Variants in FHIT observed in about 807,000 individuals in gnomAD.
FHIT encodes fragile histidine triad diadenosine triphosphatase.
Under a neutral mutation model 17.9 loss-of-function variants are expected in FHIT, and 19 were observed. The observed-to-expected ratio is 1.06, with a 90% CI of 0.74 to 1.56. The LOEUF (loss-of-function observed/expected upper bound fraction) is 1.56. FHIT is among the 40% of genes most tolerant of loss of function. The pLI is 0.00. For missense variants in FHIT, 248 were observed against 189.2 expected, an observed-to-expected ratio of 1.31 and a Z score of -1.82; for synonymous variants, 81 against 69.7, an observed-to-expected ratio of 1.16 and a Z score of -0.81.
At chr3:60,129,922 CTG>C (rs1384857919) in intron 5 of FHIT, among the ~76,000 whole-genome samples, 2 of 152,260 alleles carry the variant, frequency 1.3e-5, no homozygotes, top group Admixed American at 1.3e-4. Context: ...CCTTTCCACA[CTG>C]TGTCTGTTTT....
intron 5 of FHIT, among the ~76,000 whole-genome samples, chr3:60,304,895 A>G (rs1708603833): frequency 6.6e-6 from 1 of 152,146 alleles, no homozygotes; most frequent in South Asian, 2.1e-4. Context: ...TCTGAATCTA[A>G]TCTACTATAA....
At chr3:59,822,764 G>A (rs997494421) in intron 8 of FHIT, among the ~76,000 whole-genome samples, 1 of 152,122 alleles carries the variant, frequency 6.6e-6, no homozygotes, top group Non-Finnish European at 1.5e-5. Flanking sequence ...TATTTAGTCT[G>A]CTGACTGTTC....
At chr3:59,754,131 C>CTCAACATTGATACAGAAGGCAA (rs1701073865) in intron 8 of FHIT, among the ~76,000 whole-genome samples, 1 of 152,112 alleles carries the variant, frequency 6.6e-6, no homozygotes, top group Non-Finnish European at 1.5e-5. Flanking sequence ...TTTATTGCAG[C>CTCAACATTGATACAGAAGGCAA]TCAACATTGA....
chr3:61,163,499 G>C (rs2037754305), intron 2 of FHIT, among the ~76,000 whole-genome samples: 1 of 152,180 alleles, frequency 6.6e-6, no homozygotes, highest in Non-Finnish European at 1.5e-5. Flanking sequence ...TGACAAAACA[G>C]TGGAAGCAGG....
At chr3:60,834,247 C>G (rs1474484967) in intron 3 of FHIT, among the ~76,000 whole-genome samples, 4 of 152,216 alleles carry the variant, frequency 2.6e-5, no homozygotes, top group Non-Finnish European at 5.9e-5. Flanking sequence ...CACAATTTCT[C>G]TGCATCCTCA....
chr3:59,823,453 A>T (rs993077983), intron 8 of FHIT, among the ~76,000 whole-genome samples: 4 of 152,180 alleles, frequency 2.6e-5, no homozygotes, highest in Non-Finnish European at 5.9e-5. Flanking sequence ...TCCTTAAGAA[A>T]ATACTTGCTA....
chr3:60,632,263 C>T (rs548772466), intron 4 of FHIT, among the ~76,000 whole-genome samples: 2 of 152,214 alleles, frequency 1.3e-5, no homozygotes, highest in South Asian at 4.1e-4. Context: ...TCTCTGATTT[C>T]TGCCAGGAGT....
intron 7 of FHIT, among the ~76,000 whole-genome samples, chr3:59,955,689 C>T (rs1241805518): frequency 1.3e-5 from 2 of 152,220 alleles, no homozygotes; most frequent in Non-Finnish European, 1.5e-5. Context: ...GGTATTGATA[C>T]TCAACCATGA....
intron 5 of FHIT, among the ~76,000 whole-genome samples, chr3:60,347,040 G>C (rs1407555953): frequency 6.8e-6 from 1 of 147,944 alleles, no homozygotes; most frequent in African/African-American, 2.5e-5. Context: ...AATAGATGGA[G>C]TTGCAAATAT....
chr3:60,684,811 GA>G (rs1168152052), intron 4 of FHIT, among the ~76,000 whole-genome samples: 1 of 152,018 alleles, frequency 6.6e-6, no homozygotes, highest in African/African-American at 2.4e-5. Flanking sequence ...AGAGCCTGAA[GA>G]ATGACAGAAG....
At chr3:60,328,474 G>A (rs1709808817) in intron 5 of FHIT, among the ~76,000 whole-genome samples, 1 of 152,070 alleles carries the variant, frequency 6.6e-6, no homozygotes, top group African/African-American at 2.4e-5. Flanking sequence ...GTGTGCTCGG[G>A]AACTGCCCTT....
chr3:59,969,776 C>G (rs1458288388), intron 7 of FHIT, among the ~76,000 whole-genome samples: 1 of 152,050 alleles, frequency 6.6e-6, no homozygotes, highest in Non-Finnish European at 1.5e-5. Flanking sequence ...TTCCAGCAGC[C>G]CCTCAAAAGC....
In FHIT at chr3:59,988,558, G is replaced by A. The variant is rs191828242; in HGVS notation, c.279+22813C>T. Among the ~76,000 whole-genome samples, 13 of 152,066 alleles carry A rather than the reference G, an allele frequency of 8.5e-5. No homozygotes were observed. In the East Asian group the frequency reaches 2.5e-3, roughly 30 times the overall value. ...ATTTATTCACTCAGGTATTTTCTGA[G>A]TTCTTTCTGTGTATCTGGCGCTCCT... On this transcript the variant is annotated intron_variant, in intron 7 of 9. Coordinates refer to ENST00000492590, the MANE Select transcript of FHIT (RefSeq NM_002012.4).
At chr3:60,121,713 C>CAAAA (rs1559651189) in intron 5 of FHIT, among the ~76,000 whole-genome samples, 5,019 of 90,890 alleles carry the variant, frequency 0.055, 110 homozygotes, top group Non-Finnish European at 0.068. Context: ...AAAACAAACA[C>CAAAA]ACACACACAC....
chr3:61,172,924 T>G (rs1379952663), intron 2 of FHIT, among the ~76,000 whole-genome samples: 1 of 152,060 alleles, frequency 6.6e-6, no homozygotes, highest in Non-Finnish European at 1.5e-5. Flanking sequence ...GGCAGGCAGG[T>G]ATCCTAAACG....
chr3:60,185,809 T>C (rs1437151994), intron 5 of FHIT, among the ~76,000 whole-genome samples: 1 of 152,158 alleles, frequency 6.6e-6, no homozygotes, highest in Non-Finnish European at 1.5e-5. Context: ...TATTTGGTAT[T>C]TGCTCTACAT....
chr3:60,354,235 A>C (rs1699548576), intron 5 of FHIT, among the ~76,000 whole-genome samples: 1 of 152,194 alleles, frequency 6.6e-6, no homozygotes, highest in Non-Finnish European at 1.5e-5. Flanking sequence ...ATAGTAAAAA[A>C]GTATGCACAT....
intron 5 of FHIT, among the ~76,000 whole-genome samples, chr3:60,179,822 T>A (rs1408980593): frequency 6.6e-6 from 1 of 152,140 alleles, no homozygotes; most frequent in Non-Finnish European, 1.5e-5. Context: ...CATCTTGGTC[T>A]CTCTAAACGG....
intron 4 of FHIT, among the ~76,000 whole-genome samples, chr3:60,629,157 T>C (rs2039375338): frequency 6.6e-6 from 1 of 152,066 alleles, no homozygotes; most frequent in Non-Finnish European, 1.5e-5. Context: ...TGAGAAATTC[T>C]AGTGACCTGT....
Sources: allele counts gnomAD v4.1 joint callset (sites outside exome capture counted in the v4.1 genomes callset), GRCh38; gene constraint gnomAD v4.1.1; transcripts MANE v1.5; gene names NCBI Gene and HGNC (gene_info 2026-07-23, HGNC 2026-07-21).